SIK3: variants seen among roughly 807,000 people sequenced by gnomAD.
SIK3 encodes the protein serine/threonine-protein kinase SIK3.
SIK3 carries 28 observed loss-of-function variants against 144.2 expected under a neutral mutation model. The observed-to-expected ratio is 0.19, with a 90% CI of 0.14 to 0.27. The LOEUF is 0.27. Among genes scored for constraint, SIK3 ranks in the 10% least tolerant of loss-of-function variants. SIK3 has a pLI of 1.00. For missense variants in SIK3, 1,319 were observed against 1,776.0 expected, an observed-to-expected ratio of 0.74 and a Z score of 4.62; for synonymous variants, 686 against 676.3, an observed-to-expected ratio of 1.01 and a Z score of -0.22.
At chr11:117,023,618 AAAAATATATATAT>A (rs1437216249) in intron 1 of SIK3, among the ~76,000 whole-genome samples, 1 of 115,866 alleles carries the variant, frequency 8.6e-6, no homozygotes, top group South Asian at 2.6e-4. Flanking sequence ...ACAAAAAAAA[AAAAATATATATAT>A]ATATATATAT....
chr11:116,956,286 G>A (rs1260846630), intron 2 of SIK3, among the ~76,000 whole-genome samples: 2 of 151,920 alleles, frequency 1.3e-5, no homozygotes, highest in South Asian at 2.1e-4. Context: ...AGTTATGCTA[G>A]GGAATCATTT....
intron 1 of SIK3, among the ~76,000 whole-genome samples, chr11:117,010,520 C>G (rs1951210916): frequency 6.6e-6 from 1 of 152,084 alleles, no homozygotes; most frequent in Non-Finnish European, 1.5e-5. Context: ...CCTAAACCAC[C>G]TACATCACCA....
In SIK3 at chr11:117,008,001, G is replaced by A. The variant is rs761891679; in HGVS notation, c.274-50937C>T. On this transcript the variant is annotated intron_variant, in intron 1 of 24. Transcript: ENST00000445177. ...TGAGGCAGGAGAATCGCTTGAACCCGGGTAGCAGAAGCTGCAGTAAACTGA... is the reference window on the plus strand; with the variant it reads ...TGAGGCAGGAGAATCGCTTGAACCCAGGTAGCAGAAGCTGCAGTAAACTGA... Among the ~76,000 whole-genome samples, 71 of 145,480 alleles carry A rather than the reference G, an allele frequency of 4.9e-4. 1 individual carries two copies. Among genetic ancestry groups the A allele is most frequent in the Non-Finnish European group, 2.5e-4 (17 of 67,320 alleles).
At chr11:117,011,136 A>C (rs1475276336) in intron 1 of SIK3, among the ~76,000 whole-genome samples, 2 of 152,236 alleles carry the variant, frequency 1.3e-5, no homozygotes, top group East Asian at 3.9e-4. Flanking sequence ...AAACGAAAAT[A>C]ATCACCCTCC....
intron 15 of SIK3, among the ~76,000 whole-genome samples, chr11:116,866,892 T>A (rs1260752427): frequency 1.3e-5 from 2 of 152,246 alleles, no homozygotes; most frequent in Non-Finnish European, 2.9e-5. Context: ...CATAGTCATT[T>A]ATGAAAGCTT....
chr11:116,909,576 C>T (rs1419048421), intron 4 of SIK3, among the ~76,000 whole-genome samples: 7 of 152,130 alleles, frequency 4.6e-5, no homozygotes, highest in Admixed American at 4.6e-4. Context: ...ACAAAAGAGA[C>T]AAGAATAGCT....
intron 4 of SIK3, among the ~76,000 whole-genome samples, chr11:116,925,099 G>A (rs1947204465): frequency 6.6e-6 from 1 of 152,088 alleles, no homozygotes; most frequent in Non-Finnish European, 1.5e-5. Context: ...CGGCCAACAT[G>A]GTAAAACCCC....
intron 3 of SIK3, among the ~76,000 whole-genome samples, chr11:116,946,967 T>C (rs1948621409): frequency 2.0e-5 from 3 of 150,998 alleles, no homozygotes; most frequent in South Asian, 2.1e-4. Flanking sequence ...TACAAAAAAT[T>C]AGCCGGGCAT....
chr11:116,861,963 G>A (rs1452070947), intron 17 of SIK3, 37 bp from the exon 18 acceptor site: 4 of 1,455,662 alleles, frequency 2.7e-6, no homozygotes, highest in Non-Finnish European at 3.8e-6. Flanking sequence ...AAATTATTGT[G>A]AGCTTGAAGA....
chr11:116,846,295 C>A lies in SIK3; in HGVS notation c.*13+88G>T. On this transcript the variant is annotated intron_variant, in intron 24 of 24. Coordinates refer to ENST00000445177, the MANE Select transcript of SIK3 (RefSeq NM_001366686.3). The surrounding 1 kb of genome is among the most constrained non-coding windows in gnomAD (Gnocchi z 4.1). ...TGGTACTGTCGACTGCACTGGCCACCACAACACATGGGCTGAAGCTCCTGA... is the reference window on the plus strand; with the variant it reads ...TGGTACTGTCGACTGCACTGGCCACAACAACACATGGGCTGAAGCTCCTGA... The A allele has an allele frequency of 1.4e-6, 2 of 1,422,434 alleles. No homozygotes were observed. The highest frequency in any genetic ancestry group is 1.9e-6 in the Non-Finnish European group (2 of 1,031,988). The allele number at this position is 1,422,434 out of a possible 1,614,324, so 88.1% of individuals were successfully genotyped here. A position where few individuals can be genotyped will look rare whatever the true frequency, so the allele number is the denominator to read the frequency against.
At chr11:116,939,114 A>C (rs1168469536) in intron 3 of SIK3, among the ~76,000 whole-genome samples, 1 of 152,190 alleles carries the variant, frequency 6.6e-6, no homozygotes, top group Non-Finnish European at 1.5e-5. Flanking sequence ...AATGAATGAG[A>C]GAATTCAAAT....
chr11:116,933,779 T>C (rs936352490), intron 3 of SIK3, among the ~76,000 whole-genome samples: 1 of 152,154 alleles, frequency 6.6e-6, no homozygotes, highest in Non-Finnish European at 1.5e-5. Flanking sequence ...AGGGTAATTC[T>C]CTTAAATCTT....
intron 4 of SIK3, among the ~76,000 whole-genome samples, chr11:116,912,285 A>T (rs765706914): frequency 1.3e-4 from 20 of 152,202 alleles, no homozygotes; most frequent in Non-Finnish European, 2.6e-4. Context: ...GCCTGGGGAT[A>T]TATAAGGTAG....
At chr11:116,915,762 T>C (rs142631959) in intron 4 of SIK3, among the ~76,000 whole-genome samples, 68 of 152,346 alleles carry the variant, frequency 4.5e-4, no homozygotes, top group African/African-American at 1.5e-3. Context: ...TCTTGAGGCA[T>C]TACAGAATTA....
intron 22 of SIK3, among the ~76,000 whole-genome samples, chr11:116,848,673 A>G (rs1338792239): frequency 6.6e-6 from 1 of 152,254 alleles, no homozygotes; most frequent in African/African-American, 2.4e-5. Flanking sequence ...TTTGGAGCAT[A>G]GATTCTACTT....
At chr11:116,876,448 C>T (rs1211275051) in intron 7 of SIK3, 85 bp from the exon 8 acceptor site, 1 of 1,095,184 alleles carries the variant, frequency 9.1e-7, no homozygotes, top group Non-Finnish European at 1.4e-6. Context: ...CAACCTGTTC[C>T]ATGCCCTCTG....
At chr11:117,029,609 A>C (rs992161778) in intron 1 of SIK3, among the ~76,000 whole-genome samples, 1 of 152,132 alleles carries the variant, frequency 6.6e-6, no homozygotes, top group Non-Finnish European at 1.5e-5. Context: ...TGGAAAGGGG[A>C]GGTAACAAAT....
In SIK3 at chr11:116,863,860, G is replaced by T. The variant is rs371956722; in HGVS notation, c.1953-42C>A. 5.2e-6 allele frequency: 8 copies of T among 1,530,652 alleles called. No individual in the cohort carries two copies. In the African/African-American group the frequency reaches 6.9e-5, roughly 13 times the overall value. The allele number at this position is 1,530,652 out of a possible 1,614,324, so 94.8% of individuals were successfully genotyped here. On this transcript the variant is annotated intron_variant, in intron 15 of 24. Transcript: ENST00000445177. The stretch of plus-strand genomic sequence containing the variant: ...AGAAGGTTAGAGGCTAGGACTCAGG[G>T]GCTTTGACCAAATCACACAGGGACT...
intron 1 of SIK3, among the ~76,000 whole-genome samples, chr11:117,077,074 T>C (rs1375937740): frequency 6.6e-6 from 1 of 152,200 alleles, no homozygotes; most frequent in African/African-American, 2.4e-5. Flanking sequence ...GAGGATCACT[T>C]GAGCCCAGGA....
Sources: gnomAD v4.1 joint callset for allele counts (sites outside exome capture counted in the v4.1 genomes callset) on GRCh38, gnomAD v4.1.1 for gene constraint, Gnocchi (gnomAD v3.1) non-coding constraint, MANE v1.5 for transcripts, NCBI Gene and HGNC (gene_info 2026-07-23, HGNC 2026-07-21) for gene names.